CROCC: variants seen among roughly 807,000 people sequenced by gnomAD.
CROCC encodes ciliary rootlet coiled-coil, rootletin.
A neutral mutation model predicts 245.2 loss-of-function variants in CROCC; 180 were observed. The ratio of observed to expected loss-of-function variants is 0.73; its 90% CI spans 0.65 to 0.83. The LOEUF (loss-of-function observed/expected upper bound fraction) is 0.83. Ranked by LOEUF, CROCC falls within the 40% of genes least tolerant of loss-of-function variation. The pLI, the probability that CROCC is intolerant of heterozygous loss-of-function variation, is 0.00. For missense variants in CROCC, 2,688 were observed against 2,779.4 expected, an observed-to-expected ratio of 0.97 and a Z score of 0.74; for synonymous variants, 1,205 against 1,241.6, an observed-to-expected ratio of 0.97 and a Z score of 0.62.
intron 26 of CROCC, among the ~76,000 whole-genome samples, chr1:16,960,191 A>C (rs2100523071): frequency 6.6e-6 from 1 of 152,210 alleles, no homozygotes; most frequent in Middle Eastern, 3.4e-3. Flanking sequence ...ACTTGAACCC[A>C]GGAGGCAGAG....
At chr1:16,953,065 C>T in intron 20 of CROCC, 1 of 523,850 alleles carries the variant, frequency 1.9e-6, no homozygotes, top group Non-Finnish European at 3.4e-6. Context: ...CTGACAGTTA[C>T]TTGTCCCTCC....
rs1373074552 is a variant in CROCC at position 16,930,703 on chromosome 1, C to G, written c.849+109C>G. On this transcript the variant is annotated intron_variant, in intron 7 of 36. Transcript: ENST00000375541. Reference sequence around the variant, plus strand: ...GGAGAGGGAGCACTGTCCAAGGGAGCCTGTTAGCAGAAGTAAATAGCCGTC... The same window carrying G: ...GGAGAGGGAGCACTGTCCAAGGGAGGCTGTTAGCAGAAGTAAATAGCCGTC... 18 of 1,323,486 alleles carry G rather than the reference C, an allele frequency of 1.4e-5. No homozygotes were observed. In the South Asian group the frequency reaches 1.4e-4, roughly 11 times the overall value. The allele number at this position is 1,323,486 out of a possible 1,614,324, so 82.0% of individuals were successfully genotyped here. A position where few individuals can be genotyped will look rare whatever the true frequency, so the allele number is the denominator to read the frequency against.
At chr1:16,944,501 C>T (rs2076003750) in intron 14 of CROCC, among the ~76,000 whole-genome samples, 1 of 152,286 alleles carries the variant, frequency 6.6e-6, no homozygotes, top group Admixed American at 6.5e-5. Flanking sequence ...AAAGGTAGAA[C>T]TTGGATGATA....
chr1:16,968,735 G>C (rs2076461721), intron 31 of CROCC, among the ~76,000 whole-genome samples: 1 of 152,192 alleles, frequency 6.6e-6, no homozygotes, highest in African/African-American at 2.4e-5. Flanking sequence ...AGCTCTAACT[G>C]GAATGTTAAA....
intron 13 of CROCC, among the ~76,000 whole-genome samples, chr1:16,942,433 C>T (rs1234475387): frequency 4.6e-5 from 7 of 152,406 alleles, no homozygotes; most frequent in South Asian, 2.1e-4. Context: ...AAAAAGACAG[C>T]GCCTTCTCAC....
At chr1:16,919,591 C>T (rs1482993679), upstream of CROCC, among the ~76,000 whole-genome samples, 6 of 152,260 alleles carry the variant, frequency 3.9e-5, no homozygotes, top group African/African-American at 4.8e-5. Flanking sequence ...TCTTAAAAGC[C>T]GAGCTCCTCG....
In CROCC at chr1:16,931,780, C is replaced by T. The variant is rs1364236058; in HGVS notation, c.956+383C>T. Among the ~76,000 whole-genome samples, 7 of 152,116 alleles carry T rather than the reference C, an allele frequency of 4.6e-5. No homozygotes were observed. In the East Asian group the frequency reaches 5.8e-4, roughly 13 times the overall value. Reference sequence around the variant, plus strand: ...TTCCTGATTTTTTTTTTTTCTCAGACGGAGTCTTGCTCTGTCACCAGGCTG... The same window carrying T: ...TTCCTGATTTTTTTTTTTTCTCAGATGGAGTCTTGCTCTGTCACCAGGCTG... On this transcript the variant is annotated intron_variant, in intron 8 of 36. Transcript: ENST00000375541.
intron 27 of CROCC, among the ~76,000 whole-genome samples, chr1:16,963,848 T>C (rs1427664875): frequency 6.6e-6 from 1 of 151,950 alleles, no homozygotes; most frequent in East Asian, 1.9e-4. Flanking sequence ...TATGCTGGAG[T>C]GCAATGGCGC....
chr1:16,922,123 G>A lies in CROCC; in HGVS notation c.60+45G>A, dbSNP rs193268849. 9.3e-3 allele frequency: 13,899 copies of A among 1,488,690 alleles called. 54 individuals are homozygous for A. Among genetic ancestry groups the A allele is most frequent in the Middle Eastern group, 0.014 (78 of 5,764 alleles). The allele number at this position is 1,488,690 out of a possible 1,614,324, so 92.2% of individuals were successfully genotyped here. A position where few individuals can be genotyped will look rare whatever the true frequency, so the allele number is the denominator to read the frequency against. Reference sequence around the variant, plus strand: ...CCCACCCTGTCTGGGGCGGGGCAGCGTGGACTTAACAGGAGTGGTGAGAGG... The same window carrying A: ...CCCACCCTGTCTGGGGCGGGGCAGCATGGACTTAACAGGAGTGGTGAGAGG... On this transcript the variant is annotated intron_variant, in intron 1 of 36. Transcript: ENST00000375541.
intron 27 of CROCC, among the ~76,000 whole-genome samples, chr1:16,962,097 C>G (rs1356549911): frequency 6.6e-6 from 1 of 151,064 alleles, no homozygotes; most frequent in Admixed American, 6.6e-5. Flanking sequence ...GCGTCTTGCT[C>G]TGTTGCCCAA....
At position 16,930,188 on chromosome 1, in the gene CROCC, T is replaced by G. The variant is rs1376627308; in HGVS notation, c.602T>G (p.Leu201Arg). 1 of 1,592,444 alleles carries G rather than the reference T, an allele frequency of 6.3e-7. No homozygotes were observed. The highest frequency in any genetic ancestry group is 2.3e-5 in the East Asian group (1 of 44,048). Residue 201 changes from leucine to arginine, a missense_variant, in exon 5 of 37, where the codon CTG becomes CGG. Coordinates refer to ENST00000375541, the MANE Select transcript of CROCC (RefSeq NM_014675.5). Reference protein sequence around the residue: ...EQQLLERSGELEQQRLRDTEH... With the variant: ...EQQLLERSGEREQQRLRDTEH... ...CAGCTGCTGGAGAGATCCGGAGAGC[T>G]GGAGCAGCAGCGGCTGAGGGTGGGT...
Position 16,931,368 on chromosome 1 carries a change from G to A in CROCC, c.927G>A (p.Leu309=). The A allele has an allele frequency of 1.2e-6, 2 of 1,612,214 alleles. No homozygotes were observed. The highest frequency in any genetic ancestry group is 1.7e-6 in the Non-Finnish European group (2 of 1,178,708). Residue 309 remains leucine, a synonymous_variant, in exon 8 of 37, where the codon CTG becomes CTA. Transcript: ENST00000375541. The part of the protein sequence containing the change: ...LWRQVVGFRR[L]VSEVKMFTER... ...GGCAGGTGGTGGGGTTCCGGCGGCT[G>A]GTCAGCGAGGTGAAGATGTTCACTG...
chr1:16,965,618 G>A, intron 27 of CROCC, 105 bp from the exon 28 acceptor site: 2 of 851,632 alleles, frequency 2.3e-6, no homozygotes, highest in Non-Finnish European at 3.9e-6. Flanking sequence ...AGAGAAGTTG[G>A]GCTTGATTCT....
intron 27 of CROCC, among the ~76,000 whole-genome samples, chr1:16,964,762 G>A (rs183830092): frequency 5.9e-5 from 9 of 152,248 alleles, no homozygotes; most frequent in East Asian, 3.9e-4. Context: ...GGAACACTGC[G>A]AGCTCCGCTT....
In CROCC at chr1:16,963,085, A is replaced by T. The variant is rs569550629; in HGVS notation, c.4405+1955A>T. On this transcript the variant is annotated intron_variant, in intron 27 of 36. Transcript: ENST00000375541. Reference sequence around the variant, plus strand: ...GTAATCCCAGCTACTCGGGAGGCTGAGGCAGGAGAATCTCTTGAAACCAGG... The same window carrying T: ...GTAATCCCAGCTACTCGGGAGGCTGTGGCAGGAGAATCTCTTGAAACCAGG... 4.8e-4 allele frequency among the ~76,000 whole-genome samples: 73 copies of T among 151,062 alleles called. 1 individual carries two copies. The highest frequency in any genetic ancestry group is 3.9e-3 in the Admixed American group (59 of 15,104).
In CROCC at chr1:16,946,837, A is replaced by G; in HGVS notation, c.2360A>G (p.Gln787Arg). The G allele has an allele frequency of 6.4e-7, 1 of 1,554,226 alleles. No individual in the cohort carries two copies. Among genetic ancestry groups the G allele is most frequent in the Non-Finnish European group, 8.7e-7 (1 of 1,148,648 alleles). Residue 787 changes from glutamine to arginine, a missense_variant, in exon 17 of 37, where the codon CAG (glutamine) becomes CGG (arginine). Physicochemically the swap from Gln to Arg is conservative, Grantham distance 43. Coordinates refer to ENST00000375541, the MANE Select transcript of CROCC (RefSeq NM_014675.5). Reference protein sequence around the residue: ...EQEATVAREEQERLEELRLEQ... With the variant: ...EQEATVAREERERLEELRLEQ... ...GAGGCCACAGTGGCGCGGGAAGAGC[A>G]GGAACGGCTAGAGGAGCTGCGGTTG...
intron 1 of CROCC, 63 bp downstream of exon 1, chr1:16,922,141 G>C: frequency 1.4e-6 from 2 of 1,414,254 alleles, no homozygotes; most frequent in Non-Finnish European, 1.9e-6. Context: ...AACAGGAGTG[G>C]TGAGAGGTGT....
Position 16,948,371 on chromosome 1 carries a change from A to G in CROCC, c.2555A>G (p.Gln852Arg), listed in dbSNP as rs775149298. 8.2e-6 allele frequency: 13 copies of G among 1,578,958 alleles called. No homozygotes were observed. The highest frequency in any genetic ancestry group is 1.1e-5 in the South Asian group (1 of 87,026). Reference protein sequence around the residue: ...QLSGREQELEQARREAQRQVE... With the variant: ...QLSGREQELERARREAQRQVE... ...AGCGGGCGGGAGCAGGAGCTGGAGC[A>G]GGCCCGGCGGGAGGCCCAGCGGCAA... Residue 852 changes from glutamine to arginine, a missense_variant, in exon 18 of 37, where the codon CAG becomes CGG. Gln to Arg is a conservative substitution (Grantham distance 43). Around this residue, in one of 9 missense-constraint regions of CROCC, gnomAD observed 295 missense variants for 241.7 expected, o/e 1.22. Transcript: ENST00000375541.
intron 1 of CROCC, among the ~76,000 whole-genome samples, chr1:16,915,098 C>G (rs1431131502): frequency 2.0e-5 from 3 of 152,244 alleles, no homozygotes; most frequent in Non-Finnish European, 4.4e-5. Context: ...TCTTTCAGCC[C>G]TTTCCACCCA....
Sources: allele counts gnomAD v4.1 joint callset (sites outside exome capture counted in the v4.1 genomes callset), GRCh38; gene constraint gnomAD v4.1.1; regional missense constraint gnomAD v4.1.1; transcripts MANE v1.5; gene names NCBI Gene and HGNC (gene_info 2026-07-23, HGNC 2026-07-21).